The following HS6ST3 variants were observed in gnomAD, a reference collection of about 807,000 sequenced individuals.
HS6ST3 encodes the protein heparan sulfate 6-O-sulfotransferase 3, also known as heparan-sulfate 6-O-sulfotransferase 3.
In HS6ST3, 12 loss-of-function variants were observed where a neutral mutation model predicts 36.7. The observed-to-expected ratio is 0.33, with a 90% confidence interval of 0.21 to 0.53. HS6ST3 has a LOEUF of 0.53. Ranked by LOEUF, HS6ST3 falls within the 20% of genes least tolerant of loss-of-function variation. The pLI is 0.95. For synonymous variants in HS6ST3, 240 were observed against 257.5 expected (o/e 0.93, Z 0.65); for missense variants, 584 against 640.9 (o/e 0.91, Z 0.96).
At chr13:96,623,746 A>G (rs2056503039) in intron 1 of HS6ST3, among the ~76,000 whole-genome samples, 1 of 152,192 alleles carries the variant, frequency 6.6e-6, no homozygotes, top group African/African-American at 2.4e-5. Flanking sequence ...TACCTTCCCC[A>G]GTGGTATACA....
intron 1 of HS6ST3, among the ~76,000 whole-genome samples, chr13:96,701,430 T>G (rs989529782): frequency 1.3e-5 from 2 of 152,196 alleles, no homozygotes; most frequent in African/African-American, 4.8e-5. Context: ...GGCTGGGTTT[T>G]AAATAACTAT....
At chr13:96,195,528 G>A (rs1261729130) in intron 1 of HS6ST3, among the ~76,000 whole-genome samples, 1 of 152,082 alleles carries the variant, frequency 6.6e-6, no homozygotes, top group Non-Finnish European at 1.5e-5. Flanking sequence ...TTACAACCTC[G>A]TCGTGAATAA....
intron 1 of HS6ST3, among the ~76,000 whole-genome samples, chr13:96,614,246 T>C (rs957845874): frequency 7.9e-6 from 1 of 126,988 alleles, no homozygotes; most frequent in East Asian, 2.4e-4. Context: ...TGCAGTGAGC[T>C]GAGATCGCAC....
Position 96,192,843 on chromosome 13 carries a change from ATATAT to A in HS6ST3, c.707+101277_707+101281del, listed in dbSNP as rs553372162. 2.8e-3 allele frequency among the ~76,000 whole-genome samples: 432 copies of A among 152,290 alleles called. 1 individual carries two copies. Among genetic ancestry groups the A allele is most frequent in the African/African-American group, 9.8e-3 (409 of 41,550 alleles). On this transcript the variant is annotated intron_variant, in intron 1 of 1. Transcript: ENST00000376705. ...TGATGGATAGTAAATTAATATAGAA[ATATAT>A]TAAATTAGAATGAGTATAAACTTGG...
intron 1 of HS6ST3, among the ~76,000 whole-genome samples, chr13:96,749,669 G>T (rs1235340661): frequency 5.3e-5 from 8 of 151,810 alleles, no homozygotes; most frequent in Admixed American, 5.3e-4. Flanking sequence ...AAATTATGTG[G>T]GTTGGTAGTC....
At chr13:96,728,781 A>G (rs1475175947) in intron 1 of HS6ST3, among the ~76,000 whole-genome samples, 1 of 152,128 alleles carries the variant, frequency 6.6e-6, no homozygotes, top group Non-Finnish European at 1.5e-5. Flanking sequence ...GAGAGCCACA[A>G]TTGTTTTTTT....
intron 1 of HS6ST3, among the ~76,000 whole-genome samples, chr13:96,601,445 G>C (rs1309620262): frequency 6.6e-6 from 1 of 151,832 alleles, no homozygotes; most frequent in Admixed American, 6.6e-5. Flanking sequence ...TTCCCTAACT[G>C]TGTTTATAAT....
At chr13:96,683,438 C>T (rs560584295) in intron 1 of HS6ST3, among the ~76,000 whole-genome samples, 23 of 152,120 alleles carry the variant, frequency 1.5e-4, no homozygotes, top group East Asian at 5.8e-4. Flanking sequence ...TTCTTTTTAT[C>T]GTATGTTTAA....
At chr13:96,138,263 G>A (rs1368644098) in intron 1 of HS6ST3, among the ~76,000 whole-genome samples, 2 of 151,914 alleles carry the variant, frequency 1.3e-5, no homozygotes, top group African/African-American at 4.8e-5. Context: ...AATTATATTT[G>A]TTATCACTTT....
chr13:96,310,612 C>T (rs2054935812), intron 1 of HS6ST3, among the ~76,000 whole-genome samples: 1 of 143,954 alleles, frequency 6.9e-6, no homozygotes, highest in South Asian at 2.4e-4. Flanking sequence ...TCCCTCCCTG[C>T]CTCCCTCCCT....
chr13:96,417,634 A>G (rs76043489), intron 1 of HS6ST3, among the ~76,000 whole-genome samples: 1,588 of 149,484 alleles, frequency 0.011, 32 homozygotes, highest in African/African-American at 0.037. Flanking sequence ...ACATATATAT[A>G]CACACAGATA....
intron 1 of HS6ST3, among the ~76,000 whole-genome samples, chr13:96,672,446 G>A (rs1316357621): frequency 2.0e-5 from 3 of 152,108 alleles, no homozygotes; most frequent in Non-Finnish European, 2.9e-5. Flanking sequence ...AAGAGCCTGC[G>A]TGTTTCCTTG....
At chr13:96,831,093 C>A (rs1345672905) in intron 1 of HS6ST3, among the ~76,000 whole-genome samples, 1 of 152,192 alleles carries the variant, frequency 6.6e-6, no homozygotes, top group Admixed American at 6.5e-5. Context: ...TTATTTTAAA[C>A]CAGTATTTAC....
chr13:96,137,242 G>A (rs183060818), intron 1 of HS6ST3, among the ~76,000 whole-genome samples: 2 of 138,262 alleles, frequency 1.4e-5, no homozygotes, highest in Admixed American at 8.5e-5. Context: ...CTTCATATGC[G>A]TGGAATCATA....
chr13:96,500,602 A>C (rs1283002336), intron 1 of HS6ST3, among the ~76,000 whole-genome samples: 3 of 152,172 alleles, frequency 2.0e-5, no homozygotes, highest in Admixed American at 2.0e-4. Context: ...TTGACCTACT[A>C]GAAGCCCTAG....
chr13:96,493,716 A>G (rs1351428446), intron 1 of HS6ST3, among the ~76,000 whole-genome samples: 1 of 152,216 alleles, frequency 6.6e-6, no homozygotes, highest in Non-Finnish European at 1.5e-5. Context: ...TGAAAAAAGG[A>G]TAAAGTTTTC....
chr13:96,827,656 T>C (rs1878678189), intron 1 of HS6ST3, among the ~76,000 whole-genome samples: 1 of 152,204 alleles, frequency 6.6e-6, no homozygotes, highest in African/African-American at 2.4e-5. Context: ...TGTACCCCCT[T>C]GGCTGATAGA....
chr13:96,609,456 T>C (rs892732573), intron 1 of HS6ST3, among the ~76,000 whole-genome samples: 2 of 152,214 alleles, frequency 1.3e-5, no homozygotes. Flanking sequence ...TATGGATGTC[T>C]TTGGAAACCT....
intron 1 of HS6ST3, among the ~76,000 whole-genome samples, chr13:96,183,463 A>T (rs1339149387): frequency 1.3e-5 from 2 of 152,128 alleles, no homozygotes; most frequent in African/African-American, 4.8e-5. Context: ...AAGAGTTATA[A>T]ATTATCCCCC....
Sources: allele counts gnomAD v4.1 joint callset (sites outside exome capture counted in the v4.1 genomes callset), GRCh38; gene constraint gnomAD v4.1.1; transcripts MANE v1.5; gene names NCBI Gene and HGNC (gene_info 2026-07-23, HGNC 2026-07-21).